The following ZDHHC17 variants were observed in gnomAD, a reference collection of about 807,000 sequenced individuals.
The protein encoded by ZDHHC17 is palmitoyltransferase ZDHHC17.
A neutral mutation model predicts 90.3 loss-of-function variants in ZDHHC17; 40 were observed. The ratio of observed to expected loss-of-function variants is 0.44; its 90% CI spans 0.34 to 0.58. The LOEUF (loss-of-function observed/expected upper bound fraction) is 0.58, where lower values mean the gene tolerates loss of function less well. Ranked by LOEUF, ZDHHC17 falls within the 20% of genes least tolerant of loss-of-function variation. ZDHHC17 has a pLI of 0.01. For missense variants in ZDHHC17, 614 were observed against 780.8 expected, an observed-to-expected ratio of 0.79 and a Z score of 2.55; for synonymous variants, 235 against 252.4, an observed-to-expected ratio of 0.93 and a Z score of 0.65.
At chr12:76,767,089 G>A (rs1007766682) in intron 1 of ZDHHC17, among the ~76,000 whole-genome samples, 3 of 151,910 alleles carry the variant, frequency 2.0e-5, no homozygotes, top group South Asian at 2.1e-4. Flanking sequence ...AAGGGATTAA[G>A]TGAGGCTATA....
At chr12:76,774,555 T>A (rs1035131778) in intron 1 of ZDHHC17, among the ~76,000 whole-genome samples, 6 of 152,204 alleles carry the variant, frequency 3.9e-5, no homozygotes, top group African/African-American at 1.4e-4. Flanking sequence ...TCTGTAAATC[T>A]CTTCTAAAGA....
At chr12:76,839,628 A>G (rs762132018) in intron 10 of ZDHHC17, among the ~76,000 whole-genome samples, 1 of 149,492 alleles carries the variant, frequency 6.7e-6, no homozygotes, top group African/African-American at 2.4e-5. Context: ...AAATGATTCT[A>G]TAAACATTTA....
chr12:76,836,699 TG>T (rs1953367699), intron 10 of ZDHHC17, among the ~76,000 whole-genome samples: 1 of 152,226 alleles, frequency 6.6e-6, no homozygotes, highest in Non-Finnish European at 1.5e-5. Context: ...GCTTCTTAAT[TG>T]GGTTGCTCAA....
rs149965735 is a variant in ZDHHC17, at chr12:76,786,507, C to T, written c.94-10927C>T. On this transcript the variant is annotated intron_variant, in intron 1 of 16. Coordinates refer to ENST00000426126, the MANE Select transcript of ZDHHC17 (RefSeq NM_015336.4). ...CTGAACTCAAGCAGTCCACCCGCCTCGGCCTCCCAAAGTGCTGGGATTACA... is the reference window on the plus strand; with the variant it reads ...CTGAACTCAAGCAGTCCACCCGCCTTGGCCTCCCAAAGTGCTGGGATTACA... Among the ~76,000 whole-genome samples the T allele has an allele frequency of 3.2e-3, 489 of 152,226 alleles. 1 individual carries two copies. The highest frequency in any genetic ancestry group is 0.011 in the African/African-American group (463 of 41,540).
At chr12:76,801,193 GT>G (rs1952883802) in intron 2 of ZDHHC17, among the ~76,000 whole-genome samples, 1 of 150,332 alleles carries the variant, frequency 6.7e-6, no homozygotes, top group Non-Finnish European at 1.5e-5. Flanking sequence ...GCCAGCATTT[GT>G]TTTCTATATG....
At chr12:76,764,393 G>T (rs1000248372) in intron 1 of ZDHHC17, 64 bp downstream of exon 1, 7 of 1,465,798 alleles carry the variant, frequency 4.8e-6, no homozygotes, top group Non-Finnish European at 6.5e-6. Context: ...CCCCGGACTC[G>T]CCGAGGGCGG....
At chr12:76,765,016 GTAAA>G (rs1314742322) in intron 1 of ZDHHC17, among the ~76,000 whole-genome samples, 2 of 152,202 alleles carry the variant, frequency 1.3e-5, no homozygotes, top group East Asian at 3.8e-4. Context: ...TCCCATGTAA[GTAAA>G]CAGTGCCCCG....
chr12:76,849,639 A>T, intron 16 of ZDHHC17, 169 bp downstream of exon 16: 1 of 488,118 alleles, frequency 2.0e-6, no homozygotes, highest in Non-Finnish European at 3.6e-6. Context: ...CATCACATTA[A>T]CTGTATATAA....
chr12:76,788,688 A>ATATATTTTTT (rs61663401), intron 1 of ZDHHC17, among the ~76,000 whole-genome samples: 3 of 98,646 alleles, frequency 3.0e-5, no homozygotes, highest in African/African-American at 1.2e-4. Flanking sequence ...TGGAATCGCA[A>ATATATTTTTT]TTTTTTTTTT....
intron 1 of ZDHHC17, among the ~76,000 whole-genome samples, chr12:76,775,091 G>T (rs1195739277): frequency 6.6e-6 from 1 of 152,186 alleles, no homozygotes; most frequent in East Asian, 1.9e-4. Flanking sequence ...GCCTCTCAAA[G>T]TGCTGGGACC....
At chr12:76,825,176 C>T (rs1304380025) in intron 8 of ZDHHC17, among the ~76,000 whole-genome samples, 2 of 152,072 alleles carry the variant, frequency 1.3e-5, no homozygotes, top group Non-Finnish European at 2.9e-5. Flanking sequence ...GCTACTGTTA[C>T]CATTGTTGTG....
chr12:76,789,441 G>A (rs888129992), intron 1 of ZDHHC17, among the ~76,000 whole-genome samples: 7 of 152,120 alleles, frequency 4.6e-5, no homozygotes, highest in African/African-American at 1.7e-4. Flanking sequence ...GTTCAGTTAG[G>A]ACATGTAAGA....
intron 1 of ZDHHC17, among the ~76,000 whole-genome samples, chr12:76,774,333 T>TAC (rs146148501): frequency 0.011 from 1,586 of 149,144 alleles, 23 homozygotes; most frequent in African/African-American, 0.034. Context: ...TATATATACA[T>TAC]ACACACACAC....
At chr12:76,775,006 T>C (rs986484720) in intron 1 of ZDHHC17, among the ~76,000 whole-genome samples, 1 of 152,174 alleles carries the variant, frequency 6.6e-6, no homozygotes, top group Non-Finnish European at 1.5e-5. Context: ...TTTTTATATT[T>C]TTAGTAGAGG....
chr12:76,814,611 C>A (rs1953062503), intron 5 of ZDHHC17, among the ~76,000 whole-genome samples: 1 of 151,554 alleles, frequency 6.6e-6, no homozygotes, highest in Non-Finnish European at 1.5e-5. Flanking sequence ...AAATAATGAG[C>A]CAAAAAATGG....
chr12:76,797,555 G>C lies in ZDHHC17; in HGVS notation c.197+18G>C, dbSNP rs772447400. The C allele has an allele frequency of 3.9e-6, 6 of 1,551,582 alleles. No homozygotes were observed. The highest frequency in any genetic ancestry group is 2.0e-5 in the Admixed American group (1 of 51,002). ...GCTACACAGTAAGGTTTTTGTTGTA[G>C]TTGTTTTCTTTGGCATGTGTATTTC... is the stretch of plus-strand genomic sequence containing the variant. On this transcript the variant is annotated intron_variant, in intron 2 of 16. Transcript: ENST00000426126.
At chr12:76,815,817 G>T (rs902381175) in intron 6 of ZDHHC17, 40 bp from the exon 7 acceptor site, 3 of 1,433,880 alleles carry the variant, frequency 2.1e-6, no homozygotes, top group Non-Finnish European at 2.8e-6. Flanking sequence ...TGAAATTAGG[G>T]TTGTTGTTGT....
intron 1 of ZDHHC17, among the ~76,000 whole-genome samples, chr12:76,796,473 A>G (rs1952820684): frequency 6.6e-6 from 1 of 152,058 alleles, no homozygotes; most frequent in African/African-American, 2.4e-5. Context: ...AATAGATGTA[A>G]TATTCTTTGA....
rs1952395676 is a variant in ZDHHC17 at position 76,764,173 on chromosome 12, G to GCTCGCCCCGCGCTCGCCCTCCGC, written c.-56_-34dup. On this transcript the variant is annotated 5_prime_UTR_variant, in exon 1 of 17. Transcript: ENST00000426126. ...CCGCGTCGCCTCCGGCGGGGCTCGCGCTCGCCCCGCGCTCGCCCTCCGCCT... is the reference window on the plus strand; with the variant it reads ...CCGCGTCGCCTCCGGCGGGGCTCGCGCTCGCCCCGCGCTCGCCCTCCGCCTCGCCCCGCGCTCGCCCTCCGCCT... The GCTCGCCCCGCGCTCGCCCTCCGC allele has an allele frequency of 2.3e-6, 3 of 1,290,610 alleles. No homozygotes were observed. Among genetic ancestry groups the GCTCGCCCCGCGCTCGCCCTCCGC allele is most frequent in the African/African-American group, 1.5e-5 (1 of 65,214 alleles). 79.9% of individuals were successfully genotyped at this position (1,290,610 alleles called of 1,614,324 possible). A position where few individuals can be genotyped will look rare whatever the true frequency, so the allele number is the denominator to read the frequency against.
Sources: gnomAD v4.1 joint callset for allele counts (sites outside exome capture counted in the v4.1 genomes callset) on GRCh38, gnomAD v4.1.1 for gene constraint, MANE v1.5 for transcripts, NCBI Gene and HGNC (gene_info 2026-07-23, HGNC 2026-07-21) for gene names.